The following PRRT3 variants were observed in gnomAD, a reference collection of about 807,000 sequenced individuals.
PRRT3 encodes the protein proline rich transmembrane protein 3.
PRRT3 carries 48 observed loss-of-function variants against 56.6 expected under a neutral mutation model. The observed-to-expected ratio is 0.85, with a 90% confidence interval of 0.67 to 1.08. PRRT3 has a LOEUF of 1.08. Ranked by LOEUF, PRRT3 falls within the 50% of genes least tolerant of loss-of-function variation. The pLI is 0.00. For synonymous variants in PRRT3, 641 were observed against 619.1 expected (o/e 1.04, Z -0.52); for missense variants, 1,370 against 1,353.1 (o/e 1.01, Z -0.20).
intron 1 of PRRT3, among the ~76,000 whole-genome samples, chr3:9,950,656 C>T (rs1203039833): frequency 2.0e-5 from 3 of 152,230 alleles, no homozygotes; most frequent in African/African-American, 7.2e-5. Flanking sequence ...ACATGTGCCA[C>T]CACACCTGGC....
At position 9,946,123 on chromosome 3, in the gene PRRT3, A is replaced by T; in HGVS notation, c.*104T>A. 1 of 1,449,508 alleles carries T rather than the reference A, an allele frequency of 6.9e-7. No individual in the cohort carries two copies. The highest frequency in any genetic ancestry group is 9.1e-7 in the Non-Finnish European group (1 of 1,098,088). The allele number at this position is 1,449,508 out of a possible 1,614,324, so 89.8% of individuals were successfully genotyped here. A position where few individuals can be genotyped will look rare whatever the true frequency, so the allele number is the denominator to read the frequency against. ...AGTGCTGGGATTCCTGGCGTGAGCC[A>T]CCGCGCCTGGCCAGGATGCCCATTT... On this transcript the variant is annotated 3_prime_UTR_variant, in exon 4 of 4. Transcript: ENST00000412055. The surrounding 1 kb of genome is among the most constrained non-coding windows in gnomAD (Gnocchi z 4.1).
Position 9,947,503 on chromosome 3 carries a change from A to C in PRRT3, c.1670T>G (p.Leu557Arg), listed in dbSNP as rs1425415877. The C allele has an allele frequency of 3.1e-6, 5 of 1,612,106 alleles. No homozygotes were observed. Among genetic ancestry groups the C allele is most frequent in the Non-Finnish European group, 4.2e-6 (5 of 1,179,594 alleles). ...LLLTALAALT[L>R]LGLGAGLPPP... ...CGGCAGCCCCGCGCCCAGGCCGAGC[A>C]GAGTCAGGGCTGCCAGCGCCGTAAG... The change falls in exon 4 of 4, where the codon CTG becomes CGG. Residue 557 changes from leucine (L) to arginine (R), a missense_variant. Transcript: ENST00000412055. This position sits in a 1 kb window ranked among gnomAD's most constrained non-coding sequence, Gnocchi z 9.2.
rs749827983 is a variant in PRRT3 at position 9,949,173 on chromosome 3, C to T, written c.943G>A (p.Ala315Thr). 5.0e-6 allele frequency: 8 copies of T among 1,612,260 alleles called. No homozygotes were observed. Among genetic ancestry groups the T allele is most frequent in the Admixed American group, 3.3e-5 (2 of 59,764 alleles). The change falls in exon 2 of 4, where the codon GCT becomes ACT. Residue 315 changes from alanine to threonine, a missense_variant. Transcript: ENST00000412055. This position sits in a 1 kb window ranked among gnomAD's most constrained non-coding sequence, Gnocchi z 4.5. ...PPPKQADLPD[A>T]KDSPGPQPTD... Reference sequence around the variant, plus strand: ...GGCTGGGGTCCTGGTGAATCCTTAGCGTCAGGAAGGTCAGCCTGCTTGGGC... The same window carrying T: ...GGCTGGGGTCCTGGTGAATCCTTAGTGTCAGGAAGGTCAGCCTGCTTGGGC...
intron 1 of PRRT3, among the ~76,000 whole-genome samples, chr3:9,951,814 C>T (rs2085623762): frequency 6.6e-6 from 1 of 152,316 alleles, no homozygotes; most frequent in Non-Finnish European, 1.5e-5. Context: ...GTGAGCAACT[C>T]CCCCAAGGTC....
At position 9,946,475 on chromosome 3, in the gene PRRT3, A is replaced by C. The variant is rs1458332066; in HGVS notation, c.2698T>G (p.Ser900Ala). The change falls in exon 4 of 4, where the codon TCT becomes GCT. Residue 900 changes from serine (S) to alanine (A), a missense_variant. By Grantham distance (99) the Ser-to-Ala change is moderately conservative (BLOSUM62 1). Transcript: ENST00000412055. The surrounding 1 kb of genome is among the most constrained non-coding windows in gnomAD (Gnocchi z 4.1). Reference protein sequence around the residue: ...EAPDGAAAAASGSSLDSFSRG... With the variant: ...EAPDGAAAAAAGSSLDSFSRG... ...GAGAAGCTGTCGAGGGAGCTGCCAG[A>C]AGCCGCAGCGGCTGCCCCGTCGGGT... The C allele has an allele frequency of 8.3e-6, 13 of 1,559,570 alleles. No homozygotes were observed. Among genetic ancestry groups the C allele is most frequent in the Non-Finnish European group, 1.1e-5 (13 of 1,152,766 alleles).
Position 9,946,062 on chromosome 3 carries a change from T to C in PRRT3, c.*165A>G. ...CGAGACCAGGAGGCTGATCTCGAAC[T>C]CCTGACCTCGTGTTCCACCCACCTC... On this transcript the variant is annotated 3_prime_UTR_variant, in exon 4 of 4. Coordinates refer to ENST00000412055, the MANE Select transcript of PRRT3 (RefSeq NM_207351.5). This position sits in a 1 kb window ranked among gnomAD's most constrained non-coding sequence, Gnocchi z 4.1. 1.9e-6 allele frequency: 2 copies of C among 1,052,380 alleles called. No homozygotes were observed. The highest frequency in any genetic ancestry group is 1.7e-5 in the South Asian group (1 of 58,490). The allele number at this position is 1,052,380 out of a possible 1,614,324, so 65.2% of individuals were successfully genotyped here. A position where few individuals can be genotyped will look rare whatever the true frequency, so the allele number is the denominator to read the frequency against.
At chr3:9,950,802 C>G (rs1166115485) in intron 1 of PRRT3, among the ~76,000 whole-genome samples, 1 of 152,198 alleles carries the variant, frequency 6.6e-6, no homozygotes, top group Non-Finnish European at 1.5e-5. Flanking sequence ...TGCACCCTGC[C>G]TGAAATGTTA....
At position 9,947,044 on chromosome 3, in the gene PRRT3, G is replaced by A. The variant is rs2085537266; in HGVS notation, c.2129C>T (p.Ala710Val). The A allele has an allele frequency of 2.0e-6, 3 of 1,536,134 alleles. No homozygotes were observed. Among genetic ancestry groups the A allele is most frequent in the East Asian group, 2.4e-5 (1 of 40,956 alleles). The change falls in exon 4 of 4, where the codon GCT (alanine) becomes GTT (valine). Residue 710 changes from alanine (A) to valine (V), a missense_variant. Physicochemically the swap from Ala to Val is moderately conservative, Grantham distance 64. Coordinates refer to ENST00000412055, the MANE Select transcript of PRRT3 (RefSeq NM_207351.5). The surrounding 1 kb of genome is among the most constrained non-coding windows in gnomAD (Gnocchi z 9.2). ...CAGACGCATCAGCTTAGCCCAGCAA[G>A]CGTGCTCCGTGGGCGGCCTGGGTCT... ...AARPRPPTEH[A>V]CWAKLMRLAC...
intron 1 of PRRT3, among the ~76,000 whole-genome samples, chr3:9,952,040 G>T (rs552875651): frequency 1.8e-3 from 272 of 152,350 alleles, no homozygotes; most frequent in African/African-American, 5.9e-3. Flanking sequence ...GAGGCTGTGG[G>T]GGGTGGCGGA....
rs2085585879 is a variant in PRRT3, at chr3:9,949,457, CTCT to C, written c.656_658del (p.Lys219del). The C allele has an allele frequency of 1.5e-5, 24 of 1,614,138 alleles. No homozygotes were observed. The highest frequency in any genetic ancestry group is 2.0e-5 in the Non-Finnish European group (24 of 1,180,020). On this transcript the variant is annotated inframe_deletion, in exon 2 of 4. Coordinates refer to ENST00000412055, the MANE Select transcript of PRRT3 (RefSeq NM_207351.5). The surrounding 1 kb of genome is among the most constrained non-coding windows in gnomAD (Gnocchi z 4.5). ...CCCACCCTGTCCTTCCAGCACTGGC[CTCT>C]TGACAGTACCTGAGTGGGAAACAAG...
In PRRT3 at chr3:9,946,645, G is replaced by A; in HGVS notation, c.2528C>T (p.Pro843Leu). The A allele has an allele frequency of 7.2e-7, 1 of 1,395,916 alleles. No homozygotes were observed. The highest frequency in any genetic ancestry group is 1.6e-5 in the South Asian group (1 of 62,250). The allele number at this position is 1,395,916 out of a possible 1,614,324, so 86.5% of individuals were successfully genotyped here. A position where few individuals can be genotyped will look rare whatever the true frequency, so the allele number is the denominator to read the frequency against. The part of the protein sequence containing the change: ...RCGLRGLASP[P>L]PGGALRPRRG... ...GCGCGGCCGCAGAGCGCCTCCAGGCGGCGGGGAGGCCAGGCCGCGGAGGCC... is the reference window on the plus strand; with the variant it reads ...GCGCGGCCGCAGAGCGCCTCCAGGCAGCGGGGAGGCCAGGCCGCGGAGGCC... Residue 843 changes from proline (P) to leucine (L), a missense_variant, in exon 4 of 4, where the codon CCG becomes CTG. By Grantham distance (98) the Pro-to-Leu change is moderately conservative (BLOSUM62 -3). Transcript: ENST00000412055. The surrounding 1 kb of genome is among the most constrained non-coding windows in gnomAD (Gnocchi z 4.1).
chr3:9,949,761 C>G lies in PRRT3; in HGVS notation c.355G>C (p.Ala119Pro), dbSNP rs2085592739. 6.2e-7 allele frequency: 1 copy of G among 1,614,170 alleles called. No individual in the cohort carries two copies. Among genetic ancestry groups the G allele is most frequent in the Admixed American group, 1.7e-5 (1 of 60,020 alleles). ...CAGCCGTGGGAGCTTGGTCCTTGAG[C>G]CATCTGGAGGTCATCAGTTACTGGG... is the stretch of plus-strand genomic sequence containing the variant. ...RLPVTDDLQM[A>P]QGPSSHGWTG... The change falls in exon 2 of 4, where the codon GCT becomes CCT. Residue 119 changes from alanine (A) to proline (P), a missense_variant. Coordinates refer to ENST00000412055, the MANE Select transcript of PRRT3 (RefSeq NM_207351.5). The surrounding 1 kb of genome is among the most constrained non-coding windows in gnomAD (Gnocchi z 4.5).
Position 9,947,675 on chromosome 3 carries a change from G to A in PRRT3, c.1498C>T (p.Pro500Ser). Reference sequence around the variant, plus strand: ...ACCGCGGCCACCAATGCCAGCCGGGGCCCTGCTGGGGCGGCTGCCAGCGCA... The same window carrying A: ...ACCGCGGCCACCAATGCCAGCCGGGACCCTGCTGGGGCGGCTGCCAGCGCA... ...LAALAAAPAG[P>S]RLALVAAVLV... The change falls in exon 4 of 4, where the codon CCC (proline) becomes TCC (serine). Residue 500 changes from proline (P) to serine (S), a missense_variant. Coordinates refer to ENST00000412055, the MANE Select transcript of PRRT3 (RefSeq NM_207351.5). This position sits in a 1 kb window ranked among gnomAD's most constrained non-coding sequence, Gnocchi z 9.2. The A allele has an allele frequency of 1.3e-6, 2 of 1,567,654 alleles. No individual in the cohort carries two copies. The highest frequency in any genetic ancestry group is 3.9e-5 in the Admixed American group (2 of 51,810).
chr3:9,948,526 C>A, intron 3 of PRRT3: 1 of 554,630 alleles, frequency 1.8e-6, no homozygotes, highest in South Asian at 2.6e-5. Flanking sequence ...TAAACATATC[C>A]ATGTTACATA....
intron 1 of PRRT3, among the ~76,000 whole-genome samples, chr3:9,950,849 G>A (rs527789373): frequency 5.9e-5 from 9 of 152,328 alleles, no homozygotes; most frequent in African/African-American, 2.2e-4. Flanking sequence ...GAGACGTGGA[G>A]AGGGAGAGGA....
In PRRT3 at chr3:9,946,827, G is replaced by A. The variant is rs1384186700; in HGVS notation, c.2346C>T (p.Pro782=). The A allele has an allele frequency of 1.3e-6, 2 of 1,542,202 alleles. No individual in the cohort carries two copies. Among genetic ancestry groups the A allele is most frequent in the African/African-American group, 1.4e-5 (1 of 73,610 alleles). The change falls in exon 4 of 4, where the codon CCC becomes CCT. Residue 782 remains proline, a synonymous_variant. Transcript: ENST00000412055. This position sits in a 1 kb window ranked among gnomAD's most constrained non-coding sequence, Gnocchi z 4.1. ...TGCGGGACAGTCCCGGGCCACCCTG[G>A]GGTCCGCGACCCAACGACGCAGCCG... The part of the protein sequence containing the change: ...WGSAASLGRG[P]QGGPGLSRNG...
At chr3:9,948,027 G>A in intron 3 of PRRT3, 26 bp from the exon 4 acceptor site, 1 of 1,297,318 alleles carries the variant, frequency 7.7e-7, no homozygotes, top group East Asian at 3.0e-5. Flanking sequence ...TATTAAAATA[G>A]CCATTTGAAA....
chr3:9,950,390 C>T (rs541702274), intron 1 of PRRT3, among the ~76,000 whole-genome samples: 10 of 152,258 alleles, frequency 6.6e-5, no homozygotes, highest in Non-Finnish European at 1.2e-4. Context: ...AGACCCTGGC[C>T]ACCACAAGCT....
Position 9,945,591 on chromosome 3 carries a change from A to T in PRRT3, c.*636T>A, listed in dbSNP as rs757930767. On this transcript the variant is annotated 3_prime_UTR_variant, in exon 4 of 4. Coordinates refer to ENST00000412055, the MANE Select transcript of PRRT3 (RefSeq NM_207351.5). ...TGGCACAAAGAGGACAATCTAGACA[A>T]GCGAGGCTCATCACTCCACGTTGGG... 1 of 153,006 alleles carries T rather than the reference A, an allele frequency of 6.5e-6. No homozygotes were observed. Among genetic ancestry groups the T allele is most frequent in the Non-Finnish European group, 1.5e-5 (1 of 68,342 alleles). 9.5% of individuals were successfully genotyped at this position (153,006 alleles called of 1,614,324 possible).
Sources: gnomAD v4.1 joint callset for allele counts (sites outside exome capture counted in the v4.1 genomes callset) on GRCh38, gnomAD v4.1.1 for gene constraint, Gnocchi (gnomAD v3.1) non-coding constraint, MANE v1.5 for transcripts, NCBI Gene and HGNC (gene_info 2026-07-23, HGNC 2026-07-21) for gene names.